Variants in MTMR7 observed in about 807,000 individuals in gnomAD.
The protein encoded by MTMR7 is myotubularin related protein 7, also known as phosphatidylinositol-3-phosphate phosphatase MTMR7.
Under a neutral mutation model 81.2 loss-of-function variants are expected in MTMR7, and 76 were observed. The observed-to-expected ratio is 0.94, with a 90% CI of 0.78 to 1.13. The LOEUF (loss-of-function observed/expected upper bound fraction) is 1.13, where lower values mean the gene tolerates loss of function less well. Ranked by LOEUF, MTMR7 falls within the 50% of genes most tolerant of loss-of-function variation. The pLI, the probability that MTMR7 is intolerant of heterozygous loss-of-function variation, is 0.00. For missense variants in MTMR7, 1,044 were observed against 820.0 expected, an observed-to-expected ratio of 1.27 and a Z score of -3.34; for synonymous variants, 372 against 289.8, an observed-to-expected ratio of 1.28 and a Z score of -2.88.
At chr8:17,307,413 T>G (rs1476448365) in intron 10 of MTMR7, among the ~76,000 whole-genome samples, 1 of 152,054 alleles carries the variant, frequency 6.6e-6, no homozygotes, top group Non-Finnish European at 1.5e-5. Context: ...TGTGAAGAAA[T>G]AGGAACACTT....
chr8:17,317,428 T>C (rs576944287), intron 7 of MTMR7, among the ~76,000 whole-genome samples: 1 of 152,220 alleles, frequency 6.6e-6, no homozygotes, highest in South Asian at 2.1e-4. Flanking sequence ...GCTGGGGCAG[T>C]AACCATGGGT....
At chr8:17,410,943 T>G (rs549559881) in intron 1 of MTMR7, among the ~76,000 whole-genome samples, 53 of 152,306 alleles carry the variant, frequency 3.5e-4, no homozygotes, top group African/African-American at 1.2e-3. Context: ...TATACACTCC[T>G]TGCAAACCCA....
intron 6 of MTMR7, among the ~76,000 whole-genome samples, chr8:17,332,743 T>G (rs1008723631): frequency 6.6e-6 from 1 of 152,246 alleles, no homozygotes; most frequent in Admixed American, 6.5e-5. Context: ...AGACTTGGCA[T>G]TGGCCCATGA....
At chr8:17,375,721 T>C (rs1486721287) in intron 1 of MTMR7, among the ~76,000 whole-genome samples, 2 of 152,198 alleles carry the variant, frequency 1.3e-5, no homozygotes, top group African/African-American at 4.8e-5. Context: ...TTAATTCTAG[T>C]ATGAATCTCT....
chr8:17,336,232 C>G (rs1340435712), intron 6 of MTMR7, among the ~76,000 whole-genome samples: 3 of 152,068 alleles, frequency 2.0e-5, no homozygotes, highest in African/African-American at 4.8e-5. Flanking sequence ...AGCACACCCA[C>G]CCCAGTCACC....
chr8:17,401,338 C>A (rs1215620975), intron 1 of MTMR7, among the ~76,000 whole-genome samples: 1 of 151,978 alleles, frequency 6.6e-6, no homozygotes, highest in Non-Finnish European at 1.5e-5. Context: ...ACATCTCGTG[C>A]AAAGGTGTTG....
At chr8:17,307,662 T>A (rs1817543448) in intron 10 of MTMR7, among the ~76,000 whole-genome samples, 1 of 152,096 alleles carries the variant, frequency 6.6e-6, no homozygotes, top group Non-Finnish European at 1.5e-5. Context: ...ATAGCCTGGA[T>A]TAAGAAAATG....
At chr8:17,350,139 T>A (rs1819683938) in intron 4 of MTMR7, among the ~76,000 whole-genome samples, 1 of 152,232 alleles carries the variant, frequency 6.6e-6, no homozygotes, top group South Asian at 2.1e-4. Context: ...AATGTGAAGA[T>A]CACCCACATG....
chr8:17,392,814 T>C (rs1821145682), intron 1 of MTMR7, among the ~76,000 whole-genome samples: 1 of 152,240 alleles, frequency 6.6e-6, no homozygotes, highest in African/African-American at 2.4e-5. Flanking sequence ...TCAAATGAAA[T>C]GTTTGGATTT....
intron 1 of MTMR7, among the ~76,000 whole-genome samples, chr8:17,394,914 A>C (rs906993657): frequency 6.6e-6 from 1 of 152,032 alleles, no homozygotes; most frequent in Non-Finnish European, 1.5e-5. Flanking sequence ...ATTTTTTTTA[A>C]ATGTCACAAA....
chr8:17,411,788 G>T (rs1014153095), intron 1 of MTMR7, among the ~76,000 whole-genome samples: 1 of 152,174 alleles, frequency 6.6e-6, no homozygotes, highest in African/African-American at 2.4e-5. Flanking sequence ...TTTGTATATA[G>T]AACAGAAAAG....
At chr8:17,364,021 ATTTTTTTTTT>A (rs36217265) in intron 3 of MTMR7, among the ~76,000 whole-genome samples, 2 of 71,056 alleles carry the variant, frequency 2.8e-5, no homozygotes, top group African/African-American at 4.7e-5. Flanking sequence ...TGTTGCTATT[ATTTTTTTTTT>A]TTTTTTTTTT....
At chr8:17,305,661 GA>G in intron 11 of MTMR7, 95 bp downstream of exon 11, 3 of 1,101,498 alleles carry the variant, frequency 2.7e-6, no homozygotes, top group Non-Finnish European at 3.9e-6. Flanking sequence ...GTGACTAAAT[GA>G]AAAAAGTCTT....
intron 1 of MTMR7, among the ~76,000 whole-genome samples, chr8:17,392,572 C>T (rs991362792): frequency 6.6e-6 from 1 of 152,212 alleles, no homozygotes; most frequent in African/African-American, 2.4e-5. Flanking sequence ...GAATCTAGGG[C>T]GATGTCACTG....
chr8:17,365,371 A>G (rs1820193422), intron 3 of MTMR7, among the ~76,000 whole-genome samples: 1 of 152,152 alleles, frequency 6.6e-6, no homozygotes. Context: ...TTTGTTATGC[A>G]GAAGCTTCTT....
intron 7 of MTMR7, among the ~76,000 whole-genome samples, chr8:17,318,051 A>G (rs1293950476): frequency 6.6e-6 from 1 of 152,026 alleles, no homozygotes; most frequent in Non-Finnish European, 1.5e-5. Context: ...GACTCCCTAC[A>G]TCAAACTGAG....
At chr8:17,336,188 T>TTA (rs541516928) in intron 6 of MTMR7, among the ~76,000 whole-genome samples, 3 of 152,100 alleles carry the variant, frequency 2.0e-5, no homozygotes, top group African/African-American at 7.2e-5. Context: ...CGCCTTGGCT[T>TTA]GAGTCTATTC....
chr8:17,329,614 A>G (rs186964755), intron 7 of MTMR7, among the ~76,000 whole-genome samples: 24 of 152,364 alleles, frequency 1.6e-4, no homozygotes, highest in Admixed American at 3.9e-4. Context: ...TATGTTCTCC[A>G]GGTCATCTTA....
intron 10 of MTMR7, among the ~76,000 whole-genome samples, chr8:17,308,454 G>C (rs1042328570): frequency 3.9e-5 from 6 of 152,272 alleles, no homozygotes; most frequent in South Asian, 2.1e-4. Flanking sequence ...CAGAATTAGT[G>C]ATCAATTAAT....
Sources: allele counts gnomAD v4.1 joint callset (sites outside exome capture counted in the v4.1 genomes callset), GRCh38; gene constraint gnomAD v4.1.1; transcripts MANE v1.5; gene names NCBI Gene and HGNC (gene_info 2026-07-23, HGNC 2026-07-21).